Variants in SLC4A10 observed in about 807,000 individuals in gnomAD.
SLC4A10 encodes solute carrier family 4 member 10.
In SLC4A10, 42 loss-of-function variants were observed where a neutral mutation model predicts 137.7. The ratio of observed to expected loss-of-function variants is 0.30; its 90% CI spans 0.24 to 0.39. The LOEUF (loss-of-function observed/expected upper bound fraction) is 0.39. SLC4A10 is among the 10% of genes least tolerant of loss of function. The pLI, the probability that SLC4A10 is intolerant of heterozygous loss-of-function variation, is 1.00. For missense variants in SLC4A10, 925 were observed against 1,355.0 expected, an observed-to-expected ratio of 0.68 and a Z score of 4.98; for synonymous variants, 474 against 464.1, an observed-to-expected ratio of 1.02 and a Z score of -0.27.
chr2:161,782,447 C>T lies in SLC4A10; in HGVS notation c.130+11393C>T, dbSNP rs79538611. On this transcript the variant is annotated intron_variant, in intron 2 of 26. Coordinates refer to ENST00000446997, the MANE Select transcript of SLC4A10 (RefSeq NM_001178015.2). ...TTTATCTGATGCAAAGACACCAATG[C>T]ATAGAGTCAAGTAAGATGAAAAAAC... 6.9e-3 allele frequency among the ~76,000 whole-genome samples: 1,050 copies of T among 151,770 alleles called. 14 individuals are homozygous for T. Among genetic ancestry groups the T allele is most frequent in the African/African-American group, 0.025 (1,014 of 41,382 alleles).
chr2:161,868,066 A>G lies in SLC4A10; in HGVS notation c.767-4227A>G, dbSNP rs1158320004. On this transcript the variant is annotated intron_variant, in intron 6 of 26. Coordinates refer to ENST00000446997, the MANE Select transcript of SLC4A10 (RefSeq NM_001178015.2). ...AGCAGTAGAAAATAATGATACATTT[A>G]TGCAATATATTCTATTGATACGAAT... is the stretch of plus-strand genomic sequence containing the variant. Among the ~76,000 whole-genome samples the G allele has an allele frequency of 3.3e-5, 5 of 151,942 alleles. No homozygotes were observed. In the South Asian group the frequency reaches 6.2e-4, roughly 19 times the overall value.
At chr2:161,655,787 A>C (rs2037428565) in intron 1 of SLC4A10, among the ~76,000 whole-genome samples, 1 of 152,038 alleles carries the variant, frequency 6.6e-6, no homozygotes, top group Non-Finnish European at 1.5e-5. Flanking sequence ...AATACTAGCG[A>C]ATTGTAGTCA....
intron 15 of SLC4A10, among the ~76,000 whole-genome samples, chr2:161,930,042 T>C (rs1406789359): frequency 2.0e-5 from 3 of 152,194 alleles, no homozygotes; most frequent in African/African-American, 7.2e-5. Flanking sequence ...AGCTACCTGG[T>C]CTTTCTTGGA....
At chr2:161,656,007 T>C (rs2037476170) in intron 1 of SLC4A10, among the ~76,000 whole-genome samples, 1 of 151,834 alleles carries the variant, frequency 6.6e-6, no homozygotes, top group Admixed American at 6.6e-5. Context: ...AGAGATGGGG[T>C]TTCACCGTGT....
chr2:161,836,763 A>T (rs562000461), intron 3 of SLC4A10, among the ~76,000 whole-genome samples: 15 of 152,164 alleles, frequency 9.9e-5, no homozygotes, highest in African/African-American at 3.6e-4. Flanking sequence ...CAAAATTATT[A>T]AAAAGTATCA....
chr2:161,656,695 C>T (rs1215265036), intron 1 of SLC4A10, among the ~76,000 whole-genome samples: 1 of 152,006 alleles, frequency 6.6e-6, no homozygotes, highest in Non-Finnish European at 1.5e-5. Context: ...ACCAGCTGAC[C>T]ATTTAAAAAT....
At chr2:161,863,196 C>A in intron 6 of SLC4A10, 134 bp downstream of exon 6, 1 of 835,932 alleles carries the variant, frequency 1.2e-6, no homozygotes, top group Non-Finnish European at 1.7e-6. Context: ...ATTCTTTTCA[C>A]ATGAGTATAT....
intron 1 of SLC4A10, among the ~76,000 whole-genome samples, chr2:161,691,860 C>A (rs1414781149): frequency 6.6e-6 from 1 of 152,050 alleles, no homozygotes; most frequent in East Asian, 1.9e-4. Context: ...AGACACAAAA[C>A]ATACATGAAT....
At chr2:161,874,631 G>C (rs1482724279) in intron 8 of SLC4A10, among the ~76,000 whole-genome samples, 1 of 152,156 alleles carries the variant, frequency 6.6e-6, no homozygotes, top group Admixed American at 6.5e-5. Flanking sequence ...TAATAGGCAA[G>C]TTAAATTTCT....
intron 1 of SLC4A10, among the ~76,000 whole-genome samples, chr2:161,762,692 CATT>C (rs1296475751): frequency 6.6e-5 from 10 of 151,946 alleles, no homozygotes; most frequent in Non-Finnish European, 1.0e-4. Flanking sequence ...AGTAGTGAAA[CATT>C]ATTAAATCTG....
chr2:161,930,015 T>A (rs965460632), intron 15 of SLC4A10, among the ~76,000 whole-genome samples: 3 of 152,214 alleles, frequency 2.0e-5, no homozygotes, highest in Admixed American at 2.0e-4. Flanking sequence ...GTTACTTCTG[T>A]ACCCTGTCAT....
chr2:161,627,011 A>G (rs2032524590), intron 1 of SLC4A10, among the ~76,000 whole-genome samples: 1 of 152,120 alleles, frequency 6.6e-6, no homozygotes, highest in Non-Finnish European at 1.5e-5. Context: ...TGATATTGGG[A>G]AAGTTATAAG....
At chr2:161,928,611 T>A (rs1161643583) in intron 15 of SLC4A10, among the ~76,000 whole-genome samples, 4 of 145,866 alleles carry the variant, frequency 2.7e-5, no homozygotes, top group African/African-American at 1.0e-4. Flanking sequence ...GTCCCTCTCA[T>A]TCAAGAGCAA....
intron 1 of SLC4A10, among the ~76,000 whole-genome samples, chr2:161,630,733 T>A (rs2033387504): frequency 6.6e-6 from 1 of 151,710 alleles, no homozygotes; most frequent in African/African-American, 2.4e-5. Flanking sequence ...TAATAGATAT[T>A]GTCTCAGGCT....
intron 1 of SLC4A10, among the ~76,000 whole-genome samples, chr2:161,655,311 G>C (rs747837192): frequency 5.9e-5 from 9 of 152,148 alleles, no homozygotes; most frequent in Non-Finnish European, 1.3e-4. Flanking sequence ...TCAAGAAACA[G>C]AGACAATTTC....
chr2:161,903,002 T>G (rs1381166673), intron 12 of SLC4A10, among the ~76,000 whole-genome samples: 1 of 152,204 alleles, frequency 6.6e-6, no homozygotes, highest in Non-Finnish European at 1.5e-5. Flanking sequence ...TTCATAGTCT[T>G]ATTCATTTTT....
At chr2:161,715,420 G>A (rs1406724627) in intron 1 of SLC4A10, among the ~76,000 whole-genome samples, 2 of 152,016 alleles carry the variant, frequency 1.3e-5, no homozygotes, top group African/African-American at 2.4e-5. Context: ...TGCCAAGGTG[G>A]TTTGCTGCAC....
At chr2:161,797,659 A>G (rs758510062) in intron 2 of SLC4A10, among the ~76,000 whole-genome samples, 5 of 151,944 alleles carry the variant, frequency 3.3e-5, no homozygotes, top group Admixed American at 6.6e-5. Context: ...GAAAACACAT[A>G]TTTTTAGGTT....
intron 10 of SLC4A10, among the ~76,000 whole-genome samples, chr2:161,888,604 G>T (rs770814477): frequency 1.3e-5 from 2 of 152,156 alleles, no homozygotes; most frequent in African/African-American, 4.8e-5. Context: ...TGTTATTGGT[G>T]TATAGGAATG....
Sources: allele counts gnomAD v4.1 joint callset (sites outside exome capture counted in the v4.1 genomes callset), GRCh38; gene constraint gnomAD v4.1.1; transcripts MANE v1.5; gene names NCBI Gene and HGNC (gene_info 2026-07-23, HGNC 2026-07-21).